Variants in KAZN observed in about 807,000 individuals in gnomAD.
KAZN encodes kazrin, periplakin interacting protein.
In KAZN, 40 loss-of-function variants were observed where a neutral mutation model predicts 87.4. The ratio of observed to expected loss-of-function variants is 0.46; its 90% CI spans 0.36 to 0.60. KAZN has a LOEUF of 0.60. Among genes scored for constraint, KAZN ranks in the 20% least tolerant of loss-of-function variants. KAZN has a pLI of 0.00. For synonymous variants in KAZN, 466 were observed against 458.3 expected, an observed-to-expected ratio of 1.02 and a Z score of -0.22; for missense variants, 898 against 1,073.9, an observed-to-expected ratio of 0.84 and a Z score of 2.29.
chr1:14,660,655 T>C (rs1406862042), intron 1 of KAZN, among the ~76,000 whole-genome samples: 1 of 150,202 alleles, frequency 6.7e-6, no homozygotes, highest in East Asian at 2.0e-4. Flanking sequence ...TTCACTGCTA[T>C]GATCTATCTA....
chr1:15,043,633 C>CT (rs71000361), intron 3 of KAZN, among the ~76,000 whole-genome samples: 1,055 of 72,614 alleles, frequency 0.015, 79 homozygotes, highest in Non-Finnish European at 0.018. Context: ...CTCCCCACTT[C>CT]TTTTTTTTTT....
intron 2 of KAZN, among the ~76,000 whole-genome samples, chr1:14,452,943 GC>G (rs948390724): frequency 1.3e-5 from 2 of 152,008 alleles, no homozygotes; most frequent in Non-Finnish European, 2.9e-5. Context: ...CTTGAAATAG[GC>G]CTCTTTTGTT....
intron 1 of KAZN, among the ~76,000 whole-genome samples, chr1:14,106,900 C>T (rs998265388): frequency 2.6e-5 from 4 of 151,644 alleles, no homozygotes; most frequent in Non-Finnish European, 5.9e-5. Flanking sequence ...CATTTTTTAC[C>T]AGGTTTCCAT....
At chr1:14,960,179 G>A (rs1289352919) in intron 1 of KAZN, among the ~76,000 whole-genome samples, 2 of 152,202 alleles carry the variant, frequency 1.3e-5, no homozygotes, top group Admixed American at 1.3e-4. Context: ...TCCAGGCTGT[G>A]GAGTCAGCCA....
intron 1 of KAZN, among the ~76,000 whole-genome samples, chr1:14,690,623 C>A (rs768644209): frequency 1.3e-5 from 2 of 152,098 alleles, no homozygotes; most frequent in Non-Finnish European, 2.9e-5. Flanking sequence ...CAGAGCCATT[C>A]ACCAAGAAGG....
chr1:14,987,253 G>A (rs1392284423), intron 2 of KAZN, among the ~76,000 whole-genome samples: 1 of 152,142 alleles, frequency 6.6e-6, no homozygotes, highest in Non-Finnish European at 1.5e-5. Context: ...CCAGCACTTT[G>A]GGAGGCCAAG....
chr1:14,865,980 G>A (rs902838402), intron 1 of KAZN, among the ~76,000 whole-genome samples: 4 of 152,108 alleles, frequency 2.6e-5, no homozygotes, highest in East Asian at 3.9e-4. Context: ...CAGCCCTGCC[G>A]ACACCTCGAT....
intron 1 of KAZN, among the ~76,000 whole-genome samples, chr1:14,020,550 A>G (rs1289997700): frequency 1.3e-5 from 2 of 152,232 alleles, no homozygotes; most frequent in African/African-American, 4.8e-5. Flanking sequence ...AACTGTGTTA[A>G]AGTGACTAGC....
At chr1:13,950,384 A>C (rs1188421686) in intron 1 of KAZN, among the ~76,000 whole-genome samples, 2 of 152,134 alleles carry the variant, frequency 1.3e-5, no homozygotes, top group Non-Finnish European at 2.9e-5. Flanking sequence ...GGTCTCTCCT[A>C]TCAGACTGTC....
intron 2 of KAZN, among the ~76,000 whole-genome samples, chr1:15,011,194 G>A (rs1380685886): frequency 1.3e-5 from 2 of 152,220 alleles, no homozygotes; most frequent in Admixed American, 6.5e-5. Flanking sequence ...CTGAGCCCCA[G>A]AGGCTGGGAC....
chr1:15,031,440 C>T (rs1208757613), intron 2 of KAZN, among the ~76,000 whole-genome samples: 1 of 152,210 alleles, frequency 6.6e-6, no homozygotes. Context: ...GTGGAGCCCA[C>T]CCTGCAGTCA....
chr1:14,241,179 C>T (rs1443229808), intron 2 of KAZN, among the ~76,000 whole-genome samples: 1 of 152,180 alleles, frequency 6.6e-6, no homozygotes, highest in Non-Finnish European at 1.5e-5. Flanking sequence ...GTGGGGCAGC[C>T]TCTTTTGTCT....
At chr1:14,245,174 A>G (rs1181114829) in intron 2 of KAZN, among the ~76,000 whole-genome samples, 1 of 152,024 alleles carries the variant, frequency 6.6e-6, no homozygotes, top group African/African-American at 2.4e-5. Flanking sequence ...CGTGTTGGCC[A>G]GGCTGGTCTT....
chr1:14,163,433 C>G (rs1251853067), intron 1 of KAZN, among the ~76,000 whole-genome samples: 1 of 152,110 alleles, frequency 6.6e-6, no homozygotes, highest in African/African-American at 2.4e-5. Context: ...TTGGGAGGGG[C>G]TGTATGTGCA....
chr1:14,005,922 G>A (rs764526562), intron 1 of KAZN, among the ~76,000 whole-genome samples: 15 of 152,164 alleles, frequency 9.9e-5, no homozygotes, highest in Non-Finnish European at 1.9e-4. Context: ...CTAGGAGAAA[G>A]CTTTAAACAA....
At chr1:14,655,741 G>A (rs1274265975) in intron 1 of KAZN, among the ~76,000 whole-genome samples, 2 of 152,158 alleles carry the variant, frequency 1.3e-5, no homozygotes, top group East Asian at 3.8e-4. Flanking sequence ...TGCATCTACC[G>A]AATAATTCAG....
intron 1 of KAZN, among the ~76,000 whole-genome samples, chr1:13,984,393 T>G (rs1243808626): frequency 6.6e-6 from 1 of 152,224 alleles, no homozygotes; most frequent in Non-Finnish European, 1.5e-5. Flanking sequence ...CCAACAGAAA[T>G]GACAGTATTT....
chr1:14,828,976 C>T (rs530356082), intron 1 of KAZN, among the ~76,000 whole-genome samples: 36 of 152,312 alleles, frequency 2.4e-4, no homozygotes, highest in Admixed American at 5.2e-4. Context: ...CTGGCCAGAA[C>T]AGGGTCACAT....
chr1:14,880,777 C>T (rs1484080903), intron 1 of KAZN, among the ~76,000 whole-genome samples: 1 of 152,204 alleles, frequency 6.6e-6, no homozygotes, highest in Non-Finnish European at 1.5e-5. Flanking sequence ...CAGGAGAGAG[C>T]TTTCCAAGGG....
Sources: gnomAD v4.1 joint callset for allele counts (sites outside exome capture counted in the v4.1 genomes callset) on GRCh38, gnomAD v4.1.1 for gene constraint, MANE v1.5 for transcripts, NCBI Gene and HGNC (gene_info 2026-07-23, HGNC 2026-07-21) for gene names.